The following PRRC2C variants were observed in gnomAD, a reference collection of about 807,000 sequenced individuals.
PRRC2C encodes proline rich coiled-coil 2C, also known as protein PRRC2C.
Under a neutral mutation model 317.2 loss-of-function variants are expected in PRRC2C, and 72 were observed. The ratio of observed to expected loss-of-function variants is 0.23; its 90% CI spans 0.19 to 0.28. PRRC2C has a LOEUF of 0.28. Ranked by LOEUF, PRRC2C falls within the 10% of genes least tolerant of loss-of-function variation. The probability of loss-of-function intolerance (pLI) is 1.00; values close to 1 mark genes in which losing one functional copy is unlikely to be tolerated. For missense variants in PRRC2C, 3,074 were observed against 3,459.7 expected (o/e 0.89, Z 2.80); for synonymous variants, 1,296 against 1,205.9 (o/e 1.07, Z -1.55).
intron 1 of PRRC2C, among the ~76,000 whole-genome samples, chr1:171,490,000 A>C (rs1392775748): frequency 6.6e-6 from 1 of 151,894 alleles, no homozygotes; most frequent in Non-Finnish European, 1.5e-5. Flanking sequence ...GCTCACTGCA[A>C]CCTCTCCCTC....
At chr1:171,523,661 A>G in intron 9 of PRRC2C, 139 bp downstream of exon 9, 1 of 765,090 alleles carries the variant, frequency 1.3e-6, no homozygotes, top group East Asian at 2.7e-5. Flanking sequence ...TACTGAATAG[A>G]GGGTGCTTAA....
chr1:171,524,313 TA>T (rs1483002931), intron 9 of PRRC2C, among the ~76,000 whole-genome samples: 3 of 152,194 alleles, frequency 2.0e-5, no homozygotes, highest in African/African-American at 7.2e-5. Context: ...TTATATATCA[TA>T]AAAGTTGGGC....
In PRRC2C at chr1:171,506,711, G is replaced by GTGTA. The variant is rs1401009518; in HGVS notation, c.-57-5318_-57-5317insATGT. On this transcript the variant is annotated intron_variant, in intron 1 of 34. Transcript: ENST00000647382. ...TTTGTGTGTGTGTGTGTGTGTGTGT[G>GTGTA]TGTGTGTTTTAATTGGAAAGGGGAG... Among the ~76,000 whole-genome samples the GTGTA allele has an allele frequency of 1.1e-3, 170 of 150,416 alleles. 1 individual carries two copies. The highest frequency in any genetic ancestry group is 4.0e-3 in the African/African-American group (164 of 40,944).
chr1:171,537,229 C>A, intron 14 of PRRC2C, 34 bp from the exon 15 acceptor site: 1 of 1,482,242 alleles, frequency 6.7e-7, no homozygotes, highest in Non-Finnish European at 9.2e-7. Context: ...TTTTCAAAAT[C>A]CTCATTTCAC....
intron 30 of PRRC2C, among the ~76,000 whole-genome samples, chr1:171,586,583 T>G (rs1421016802): frequency 2.0e-5 from 3 of 149,924 alleles, no homozygotes; most frequent in Non-Finnish European, 4.4e-5. Flanking sequence ...TTATTTTATT[T>G]TATTTTATTT....
intron 15 of PRRC2C, among the ~76,000 whole-genome samples, chr1:171,537,812 C>G (rs866544980): frequency 1.3e-5 from 2 of 152,026 alleles, no homozygotes; most frequent in African/African-American, 2.4e-5. Flanking sequence ...CTCAAGTGAT[C>G]GGCTTACCTC....
In PRRC2C at chr1:171,590,772, G is replaced by A. The variant is rs115138725; in HGVS notation, c.8437-815G>A. ...AGTAAAAATCTTAGGAAGTTATTTG[G>A]CCTTGGATTCCAGTTCTACTCCTGG... On this transcript the variant is annotated intron_variant, in intron 34 of 34. Coordinates refer to ENST00000647382, the MANE Select transcript of PRRC2C (RefSeq NM_001387844.1). Among the ~76,000 whole-genome samples, 734 of 152,176 alleles carry A rather than the reference G, an allele frequency of 4.8e-3. 8 individuals carry two copies. Among genetic ancestry groups the A allele is most frequent in the African/African-American group, 0.017 (709 of 41,502 alleles).
At chr1:171,495,536 T>G (rs550153055) in intron 1 of PRRC2C, among the ~76,000 whole-genome samples, 6 of 152,362 alleles carry the variant, frequency 3.9e-5, no homozygotes, top group African/African-American at 9.6e-5. Context: ...AAAATGATTT[T>G]CTACTTCAAA....
intron 22 of PRRC2C, among the ~76,000 whole-genome samples, chr1:171,567,959 G>A: frequency 6.6e-6 from 1 of 152,198 alleles, no homozygotes; most frequent in Non-Finnish European, 1.5e-5. Flanking sequence ...GGCTGAGGCA[G>A]GCAGATCACT....
In PRRC2C at chr1:171,588,506, G is replaced by T; in HGVS notation, c.8199+1G>T. 1 of 1,613,178 alleles carries T rather than the reference G, an allele frequency of 6.2e-7. No individual in the cohort carries two copies. The highest frequency in any genetic ancestry group is 8.5e-7 in the Non-Finnish European group (1 of 1,179,442). ...ATTTCCTACACAGTTTGCACCCCAG[G>T]TGGGCAGACATAATTAAGAAATGAG... is the stretch of plus-strand genomic sequence containing the variant. On this transcript the variant is annotated splice_donor_variant, in intron 33 of 34. Coordinates refer to ENST00000647382, the MANE Select transcript of PRRC2C (RefSeq NM_001387844.1). LOFTEE classifies it high-confidence loss of function.
chr1:171,564,526 A>G (rs1683274893), intron 20 of PRRC2C, among the ~76,000 whole-genome samples: 1 of 152,188 alleles, frequency 6.6e-6, no homozygotes, highest in African/African-American at 2.4e-5. Flanking sequence ...AAGCAAAGAA[A>G]TTTTTATTCT....
At chr1:171,531,688 T>C (rs1033437340) in intron 11 of PRRC2C, among the ~76,000 whole-genome samples, 4 of 152,242 alleles carry the variant, frequency 2.6e-5, no homozygotes, top group African/African-American at 9.6e-5. Flanking sequence ...AACACATTAA[T>C]GAAAATTTAG....
chr1:171,558,040 A>G lies in PRRC2C; in HGVS notation c.5928A>G (p.Ser1976=). Residue 1976 remains serine (S), a synonymous_variant, in exon 19 of 35, where the codon TCA becomes TCG. Coordinates refer to ENST00000647382, the MANE Select transcript of PRRC2C (RefSeq NM_001387844.1). Reference sequence around the variant, plus strand: ...CTAATGGCACAGATTATGTAGCCTCAGGAAAATCCATCCAGACCCCACAGT... The same window carrying G: ...CTAATGGCACAGATTATGTAGCCTCGGGAAAATCCATCCAGACCCCACAGT... ...QTPNGTDYVA[S]GKSIQTPQSH... is the part of the protein sequence containing the mutation. 2 of 1,614,056 alleles carry G rather than the reference A, an allele frequency of 1.2e-6. No individual in the cohort carries two copies. The highest frequency in any genetic ancestry group is 1.3e-5 in the African/African-American group (1 of 75,056).
intron 11 of PRRC2C, among the ~76,000 whole-genome samples, chr1:171,528,526 C>T (rs1188881024): frequency 2.0e-5 from 3 of 152,028 alleles, no homozygotes; most frequent in Non-Finnish European, 2.9e-5. Flanking sequence ...ATCCTGACCT[C>T]GTGATCCGCC....
intron 26 of PRRC2C, among the ~76,000 whole-genome samples, chr1:171,578,861 C>G (rs1166037368): frequency 6.6e-6 from 1 of 150,930 alleles, no homozygotes; most frequent in African/African-American, 2.4e-5. Context: ...GAGACTGTTT[C>G]AAAACAAAAA....
chr1:171,574,484 T>A (rs1444187016), intron 24 of PRRC2C, among the ~76,000 whole-genome samples: 2 of 152,246 alleles, frequency 1.3e-5, no homozygotes, highest in African/African-American at 4.8e-5. Context: ...GAGATCTGGA[T>A]GTGAAACAAA....
chr1:171,516,152 A>G (rs963183969), intron 5 of PRRC2C, among the ~76,000 whole-genome samples: 2 of 152,194 alleles, frequency 1.3e-5, no homozygotes, highest in African/African-American at 2.4e-5. Flanking sequence ...ATTTTTTTAT[A>G]CTAGTTTTTG....
At chr1:171,556,564 C>T (rs536535678) in intron 18 of PRRC2C, among the ~76,000 whole-genome samples, 30 of 152,324 alleles carry the variant, frequency 2.0e-4, no homozygotes, top group Admixed American at 3.9e-4. Context: ...GGAATGGCAA[C>T]GACTACTTCC....
At chr1:171,581,005 A>G (rs762569907) in intron 28 of PRRC2C, among the ~76,000 whole-genome samples, 2 of 152,182 alleles carry the variant, frequency 1.3e-5, no homozygotes, top group Non-Finnish European at 2.9e-5. Context: ...AGCTAATGAA[A>G]CTTTCTTAAC....
Sources: allele counts gnomAD v4.1 joint callset (sites outside exome capture counted in the v4.1 genomes callset), GRCh38; gene constraint gnomAD v4.1.1; transcripts MANE v1.5; gene names NCBI Gene and HGNC (gene_info 2026-07-23, HGNC 2026-07-21).